The following HAPLN3 variants were observed in gnomAD, a reference collection of about 807,000 sequenced individuals.
The protein encoded by HAPLN3 is hyaluronan and proteoglycan link protein 3, also known as extracellular link domain containing, 1.
HAPLN3 carries 28 observed loss-of-function variants against 28.1 expected under a neutral mutation model. The ratio of observed to expected loss-of-function variants is 1.00; its 90% CI spans 0.74 to 1.37. The LOEUF is 1.37. HAPLN3 is among the 40% of genes most tolerant of loss of function. The pLI, the probability that HAPLN3 is intolerant of heterozygous loss-of-function variation, is 0.00. For synonymous variants in HAPLN3, 211 were observed against 213.1 expected (o/e 0.99, Z 0.09); for missense variants, 513 against 504.6 (o/e 1.02, Z -0.16).
Position 88,878,174 on chromosome 15 carries a change from G to T in HAPLN3, c.879C>A (p.Ile293=), listed in dbSNP as rs7182726. 6.2e-7 allele frequency: 1 copy of T among 1,614,034 alleles called. No individual in the cohort carries two copies. The highest frequency in any genetic ancestry group is 8.5e-7 in the Non-Finnish European group (1 of 1,179,972). The change falls in exon 5 of 5, where the codon ATC becomes ATA. Residue 293 remains isoleucine (I), a synonymous_variant. Coordinates refer to ENST00000359595, the MANE Select transcript of HAPLN3 (RefSeq NM_178232.4). ...CGGCAAAGAGCTGTCCCACCTTGGCGATCGTGGCATCATCTTCCTGGCAGG... is the reference window on the plus strand; with the variant it reads ...CGGCAAAGAGCTGTCCCACCTTGGCTATCGTGGCATCATCTTCCTGGCAGG... ...REACQEDDAT[I]AKVGQLFAAW...
At position 88,879,736 on chromosome 15, in the gene HAPLN3, G is replaced by A. The variant is rs543962527; in HGVS notation, c.494-467C>T. The A allele has an allele frequency of 2.5e-4, 291 of 1,176,212 alleles. No individual in the cohort carries two copies. The highest frequency in any genetic ancestry group is 3.0e-4 in the Non-Finnish European group (280 of 936,036). 72.9% of individuals were successfully genotyped at this position (1,176,212 alleles called of 1,614,324 possible). ...TCCACGTGTGGCAGATGATTTTCAG[G>A]AGAAGGAGAGGCCCTAGAGGCCGTG... is the stretch of plus-strand genomic sequence containing the variant. On this transcript the variant is annotated intron_variant, in intron 3 of 4. Coordinates refer to ENST00000359595, the MANE Select transcript of HAPLN3 (RefSeq NM_178232.4). The surrounding 1 kb of genome is among the most constrained non-coding windows in gnomAD (Gnocchi z 5.0).
intron 2 of HAPLN3, among the ~76,000 whole-genome samples, chr15:88,886,393 CA>C (rs1897856046): frequency 6.6e-6 from 1 of 151,160 alleles, no homozygotes; most frequent in African/African-American, 2.4e-5. Flanking sequence ...TTGCCTACAT[CA>C]GGGCTTTTGT....
Position 88,879,237 on chromosome 15 carries a change from G to T in HAPLN3, c.526C>A (p.Arg176Ser), listed in dbSNP as rs372102094. ...VVFPYQSPNG[R>S]YQFNFHEGQQ... ...CCCTCGTGGAAGTTGAACTGGTAGCGCCCGTTGGGGGACTGGTAAGGAAAG... is the reference window on the plus strand; with the variant it reads ...CCCTCGTGGAAGTTGAACTGGTAGCTCCCGTTGGGGGACTGGTAAGGAAAG... Residue 176 changes from arginine (R) to serine (S), a missense_variant, in exon 4 of 5, where the codon CGC becomes AGC. Arg to Ser is a moderately radical substitution (Grantham distance 110). Transcript: ENST00000359595. This position sits in a 1 kb window ranked among gnomAD's most constrained non-coding sequence, Gnocchi z 5.0. 2 of 1,609,108 alleles carry T rather than the reference G, an allele frequency of 1.2e-6. No homozygotes were observed. The highest frequency in any genetic ancestry group is 1.7e-6 in the Non-Finnish European group (2 of 1,177,148).
intron 2 of HAPLN3, among the ~76,000 whole-genome samples, chr15:88,885,913 T>C (rs1473067832): frequency 6.6e-6 from 1 of 152,144 alleles, no homozygotes; most frequent in Non-Finnish European, 1.5e-5. Flanking sequence ...TAATAGCTGT[T>C]TGACCTGGAC....
chr15:88,893,083 G>C (rs1898055639), intron 1 of HAPLN3: 3 of 968,406 alleles, frequency 3.1e-6, no homozygotes, highest in Non-Finnish European at 4.8e-6. Context: ...CTTCGGGCAA[G>C]TTCACCTCTC....
rs1170829914 is a variant in HAPLN3 at position 88,877,809 on chromosome 15, G to A, written c.*161C>T. ...GCATCCAGGAGCAAAGGGAGGCATTGGGTTCTGTTTGCTTTACAAAAAATA... is the reference window on the plus strand; with the variant it reads ...GCATCCAGGAGCAAAGGGAGGCATTAGGTTCTGTTTGCTTTACAAAAAATA... On this transcript the variant is annotated 3_prime_UTR_variant, in exon 5 of 5. Transcript: ENST00000359595. The surrounding 1 kb of genome is among the most constrained non-coding windows in gnomAD (Gnocchi z 5.1). The A allele has an allele frequency of 1.8e-5, 13 of 709,210 alleles. No individual in the cohort carries two copies. The highest frequency in any genetic ancestry group is 1.6e-4 in the African/African-American group (9 of 55,938). The allele number at this position is 709,210 out of a possible 1,614,324, so 43.9% of individuals were successfully genotyped here. A position where few individuals can be genotyped will look rare whatever the true frequency, so the allele number is the denominator to read the frequency against.
intron 1 of HAPLN3, among the ~76,000 whole-genome samples, chr15:88,893,645 A>T (rs1219516973): frequency 2.6e-5 from 4 of 152,050 alleles, no homozygotes; most frequent in East Asian, 1.9e-4. Context: ...TGGGGGTCAC[A>T]AGCCAGGCAC....
At chr15:88,887,466 C>T (rs773687103) in intron 1 of HAPLN3, 121 bp from the exon 2 acceptor site, 64 of 827,362 alleles carry the variant, frequency 7.7e-5, no homozygotes, top group African/African-American at 4.1e-4. Context: ...CTGCCGCCTA[C>T]GTGCCAGACG....
rs548994367 is a variant in HAPLN3 at position 88,888,239 on chromosome 15, G to A, written c.-47-894C>T. ...CCCGAGTAGCTGGGACTACAGGTGC[G>A]TGCCACCAAGCTCAGCTAATTTTTT... On this transcript the variant is annotated intron_variant, in intron 1 of 4. Transcript: ENST00000359595. The surrounding 1 kb of genome is among the most constrained non-coding windows in gnomAD (Gnocchi z 4.1). Among the ~76,000 whole-genome samples, 19 of 151,758 alleles carry A rather than the reference G, an allele frequency of 1.3e-4. No individual in the cohort carries two copies. The highest frequency in any genetic ancestry group is 7.2e-4 in the Admixed American group (11 of 15,238).
chr15:88,893,140 G>A (rs1259852539), intron 1 of HAPLN3: 1 of 720,072 alleles, frequency 1.4e-6, no homozygotes, highest in Non-Finnish European at 2.5e-6. Flanking sequence ...TTAAGGCCGG[G>A]TGCAGTGGCT....
intron 1 of HAPLN3, among the ~76,000 whole-genome samples, chr15:88,892,071 C>T (rs932382678): frequency 6.6e-6 from 1 of 152,152 alleles, no homozygotes; most frequent in Non-Finnish European, 1.5e-5. Context: ...CAAATGCAGG[C>T]GTTTCTGCCA....
intron 2 of HAPLN3, 23 bp downstream of exon 2, chr15:88,887,152 G>T: frequency 6.2e-7 from 1 of 1,613,746 alleles, no homozygotes; most frequent in Non-Finnish European, 8.5e-7. Context: ...GGAGCAAAGA[G>T]CCGGGTGCAG....
At chr15:88,886,087 C>T (rs1360378149) in intron 2 of HAPLN3, among the ~76,000 whole-genome samples, 1 of 152,086 alleles carries the variant, frequency 6.6e-6, no homozygotes, top group African/African-American at 2.4e-5. Context: ...CGTTGGCTCA[C>T]GCCTGTAATC....
intron 1 of HAPLN3, among the ~76,000 whole-genome samples, chr15:88,891,594 G>A (rs1246803214): frequency 1.4e-4 from 21 of 152,110 alleles, no homozygotes; most frequent in Non-Finnish European, 1.5e-5. Flanking sequence ...CACCACACCT[G>A]GTATCTCTCA....
rs1181589975 is a variant in HAPLN3, at chr15:88,879,300, G to T, written c.494-31C>A. ...GGGGAAGGAAAGAGGAGCTTAGGGG[G>T]TGGCCAGGGGCCCAGCTGGCTGGAC... On this transcript the variant is annotated intron_variant, in intron 3 of 4. Transcript: ENST00000359595. The surrounding 1 kb of genome is among the most constrained non-coding windows in gnomAD (Gnocchi z 5.0). 3.1e-6 allele frequency: 5 copies of T among 1,603,474 alleles called. No homozygotes were observed. The highest frequency in any genetic ancestry group is 4.2e-6 in the Non-Finnish European group (5 of 1,177,636).
intron 2 of HAPLN3, among the ~76,000 whole-genome samples, chr15:88,883,425 G>T (rs1897761317): frequency 6.6e-6 from 1 of 152,230 alleles, no homozygotes; most frequent in African/African-American, 2.4e-5. Context: ...CCCATTTGTA[G>T]AATGGGTTAA....
chr15:88,890,776 A>G (rs530312411), intron 1 of HAPLN3, among the ~76,000 whole-genome samples: 1 of 152,340 alleles, frequency 6.6e-6, no homozygotes, highest in Admixed American at 6.5e-5. Context: ...GATGGAAACC[A>G]CAGATTGAAT....
Position 88,888,101 on chromosome 15 carries a change from A to ACC in HAPLN3, c.-47-758_-47-757dup, listed in dbSNP as rs1256362733. ...AGTAAAGATGAGTCCTGCATTGTGAACCCTTTTTTTTTTTTTTTGAGACAG... is the reference window on the plus strand; with the variant it reads ...AGTAAAGATGAGTCCTGCATTGTGAACCCCCTTTTTTTTTTTTTTTGAGACAG... On this transcript the variant is annotated intron_variant, in intron 1 of 4. Transcript: ENST00000359595. The surrounding 1 kb of genome is among the most constrained non-coding windows in gnomAD (Gnocchi z 4.1). 2.0e-5 allele frequency among the ~76,000 whole-genome samples: 3 copies of ACC among 146,386 alleles called. No homozygotes were observed. The highest frequency in any genetic ancestry group is 7.9e-5 in the African/African-American group (3 of 37,736).
intron 1 of HAPLN3, among the ~76,000 whole-genome samples, chr15:88,891,523 C>T (rs1324942151): frequency 2.0e-5 from 3 of 152,030 alleles, no homozygotes; most frequent in African/African-American, 4.8e-5. Flanking sequence ...GTCTCAAACT[C>T]CTGGGCTTAA....
Sources: allele counts gnomAD v4.1 joint callset (sites outside exome capture counted in the v4.1 genomes callset), GRCh38; gene constraint gnomAD v4.1.1; non-coding constraint Gnocchi (gnomAD v3.1); transcripts MANE v1.5; gene names NCBI Gene and HGNC (gene_info 2026-07-23, HGNC 2026-07-21).